The following CHKA variants were observed in gnomAD, a reference collection of about 807,000 sequenced individuals.
The protein encoded by CHKA is CHETK-alpha.
A neutral mutation model predicts 60.1 loss-of-function variants in CHKA; 34 were observed. The observed-to-expected ratio is 0.57, with a 90% CI of 0.43 to 0.75. The LOEUF is 0.75. CHKA is among the 30% of genes least tolerant of loss of function. CHKA has a pLI of 0.00. For missense variants in CHKA, 563 were observed against 561.3 expected (o/e 1.00, Z -0.03); for synonymous variants, 217 against 223.1 (o/e 0.97, Z 0.24).
At chr11:68,085,756 TTTTG>T (rs1189354806) in intron 2 of CHKA, among the ~76,000 whole-genome samples, 4 of 152,056 alleles carry the variant, frequency 2.6e-5, no homozygotes, top group Admixed American at 6.6e-5. Context: ...TTTGGGGTTT[TTTTG>T]TTTGTTTTGT....
chr11:68,061,930 AC>A (rs748302783), intron 11 of CHKA, 22 bp downstream of exon 11: 10 of 1,518,480 alleles, frequency 6.6e-6, no homozygotes, highest in African/African-American at 1.4e-5. Flanking sequence ...AAAAAAAAAA[AC>A]AAAAACGCTG....
chr11:68,116,146 G>A (rs566773430), intron 1 of CHKA, among the ~76,000 whole-genome samples: 3 of 152,258 alleles, frequency 2.0e-5, no homozygotes, highest in African/African-American at 7.2e-5. Context: ...TCTGTGGAAC[G>A]TAATGTCAAA....
intron 11 of CHKA, among the ~76,000 whole-genome samples, chr11:68,056,956 G>A (rs1338621135): frequency 1.3e-5 from 2 of 152,198 alleles, no homozygotes; most frequent in Non-Finnish European, 2.9e-5. Flanking sequence ...TATATGGCTA[G>A]TTGGTCAGAA....
At chr11:68,073,379 C>T (rs1435065368) in intron 4 of CHKA, among the ~76,000 whole-genome samples, 4 of 152,036 alleles carry the variant, frequency 2.6e-5, no homozygotes, top group Non-Finnish European at 4.4e-5. Flanking sequence ...CTCGGCCGGG[C>T]GCGGTGGTTC....
At chr11:68,092,425 G>T (rs1260072580) in intron 2 of CHKA, among the ~76,000 whole-genome samples, 1 of 152,102 alleles carries the variant, frequency 6.6e-6, no homozygotes, top group Non-Finnish European at 1.5e-5. Context: ...TTTCATCACA[G>T]CTAGATCACA....
intron 8 of CHKA, among the ~76,000 whole-genome samples, chr11:68,066,155 A>G (rs1027680343): frequency 6.6e-6 from 1 of 152,206 alleles, no homozygotes; most frequent in Non-Finnish European, 1.5e-5. Context: ...AGGATTTATG[A>G]GAAGAAAATG....
chr11:68,111,443 G>T (rs1043954204), intron 1 of CHKA, among the ~76,000 whole-genome samples: 1 of 151,590 alleles, frequency 6.6e-6, no homozygotes, highest in African/African-American at 2.4e-5. Context: ...GCCAGGTATG[G>T]TGGTACACAC....
At chr11:68,088,972 A>AT (rs1449177957) in intron 2 of CHKA, among the ~76,000 whole-genome samples, 1 of 152,194 alleles carries the variant, frequency 6.6e-6, no homozygotes. Flanking sequence ...ATTTAAACAG[A>AT]TAAGTGATTT....
At chr11:68,089,341 C>G (rs1228085969) in intron 2 of CHKA, among the ~76,000 whole-genome samples, 1 of 152,208 alleles carries the variant, frequency 6.6e-6, no homozygotes, top group Non-Finnish European at 1.5e-5. Flanking sequence ...TTCACTACAT[C>G]AAGTCAGCAC....
chr11:68,104,919 A>AC (rs1005880306), intron 1 of CHKA, among the ~76,000 whole-genome samples: 2 of 151,224 alleles, frequency 1.3e-5, no homozygotes, highest in African/African-American at 4.9e-5. Context: ...AGCCTGATCA[A>AC]CATGGTGAAA....
intron 1 of CHKA, among the ~76,000 whole-genome samples, chr11:68,112,589 A>T (rs1387258010): frequency 2.0e-5 from 3 of 152,226 alleles, no homozygotes; most frequent in Non-Finnish European, 2.9e-5. Flanking sequence ...CATCAAAAGC[A>T]TGATCCATGA....
chr11:68,101,698 T>G (rs1590874216), intron 1 of CHKA, among the ~76,000 whole-genome samples: 1 of 146,676 alleles, frequency 6.8e-6, no homozygotes, highest in Non-Finnish European at 1.5e-5. Flanking sequence ...ACCAAGGAGG[T>G]GAAAGAGCTC....
intron 2 of CHKA, among the ~76,000 whole-genome samples, chr11:68,085,981 T>C (rs1176517146): frequency 6.6e-6 from 1 of 152,154 alleles, no homozygotes; most frequent in East Asian, 1.9e-4. Context: ...ATATTCATAT[T>C]ACAGAGCACA....
chr11:68,064,604 C>T lies in CHKA; in HGVS notation c.1153G>A (p.Ala385Thr), dbSNP rs759511552. 8 of 1,593,338 alleles carry T rather than the reference C, an allele frequency of 5.0e-6. No homozygotes were observed. Among genetic ancestry groups the T allele is most frequent in the Admixed American group, 1.8e-5 (1 of 55,454 alleles). Reference sequence around the variant, plus strand: ...AGGTTTTCAAAGTCATTTTGGAATGCAGGCAAGTAACTGGAAATAAAATGG... The same window carrying T: ...AGGTTTTCAAAGTCATTTTGGAATGTAGGCAAGTAACTGGAAATAAAATGG... ...QLHFISSYLP[A>T]FQNDFENLST... The change falls in exon 10 of 12, where the codon GCA (alanine) becomes ACA (threonine). Residue 385 changes from alanine to threonine, a missense_variant. Coordinates refer to ENST00000265689, the MANE Select transcript of CHKA (RefSeq NM_001277.3).
At chr11:68,070,464 T>C (rs576598755) in intron 5 of CHKA, among the ~76,000 whole-genome samples, 171 bp from the exon 6 acceptor site, 2 of 152,306 alleles carry the variant, frequency 1.3e-5, no homozygotes, top group East Asian at 3.9e-4. Context: ...TGGGGGTTCG[T>C]GGCATTCTAG....
intron 2 of CHKA, 118 bp from the exon 3 acceptor site, chr11:68,081,575 T>C: frequency 2.6e-6 from 2 of 761,132 alleles, no homozygotes; most frequent in Non-Finnish European, 4.5e-6. Context: ...TAAGGAAGGT[T>C]TCTCAGCCCA....
At chr11:68,081,377 C>T (rs1856981505) in intron 3 of CHKA, 27 bp downstream of exon 3, 1 of 1,604,754 alleles carries the variant, frequency 6.2e-7, no homozygotes, top group Admixed American at 1.7e-5. Flanking sequence ...ACATCTCACA[C>T]AGATGCAGAA....
intron 2 of CHKA, among the ~76,000 whole-genome samples, chr11:68,095,070 A>C (rs1382769043): frequency 2.0e-5 from 3 of 152,118 alleles, no homozygotes; most frequent in African/African-American, 7.2e-5. Flanking sequence ...ACTCTGCTCT[A>C]TTTCATTAAG....
At position 68,065,860 on chromosome 11, in the gene CHKA, T is replaced by A. The variant is rs1342922968; in HGVS notation, c.1051A>T (p.Met351Leu). 6.2e-7 allele frequency: 1 copy of A among 1,605,108 alleles called. No homozygotes were observed. Among genetic ancestry groups the A allele is most frequent in the Non-Finnish European group, 8.5e-7 (1 of 1,172,778 alleles). The change falls in exon 9 of 12, where the codon ATG becomes TTG. Residue 351 changes from methionine (M) to leucine (L), a missense_variant. Transcript: ENST00000265689. ...TATTTTTCATAGCTATAATCATACA[T>A]CCACTCACAGAAGTGATTTCCAATG... ...FDIGNHFCEW[M>L]YDYSYEKYPF...
Sources: gnomAD v4.1 joint callset for allele counts (sites outside exome capture counted in the v4.1 genomes callset) on GRCh38, gnomAD v4.1.1 for gene constraint, MANE v1.5 for transcripts, NCBI Gene and HGNC (gene_info 2026-07-23, HGNC 2026-07-21) for gene names.